The following MUC4 variants were observed in gnomAD, a reference collection of about 807,000 sequenced individuals.
MUC4 encodes mucin 4, cell surface associated.
MUC4 carries 202 observed loss-of-function variants against 257.9 expected under a neutral mutation model. The observed-to-expected ratio is 0.78, with a 90% CI of 0.70 to 0.88. The LOEUF (loss-of-function observed/expected upper bound fraction) is 0.88, where lower values mean the gene tolerates loss of function less well. MUC4 is among the 40% of genes least tolerant of loss of function. The pLI is 0.00. For missense variants in MUC4, 5,976 were observed against 6,513.7 expected, an observed-to-expected ratio of 0.92 and a Z score of 2.84; for synonymous variants, 2,351 against 2,757.1, an observed-to-expected ratio of 0.85 and a Z score of 4.62.
chr3:195,757,335 CG>C lies in MUC4; in HGVS notation c.14987-8del, dbSNP rs748959469. The stretch of plus-strand genomic sequence containing the variant: ...CACAGCAACGTCCCATTCTCTGCCC[CG>C]GGGAAGATGAGAATGTTGAGAGCTG... On this transcript the variant is annotated splice_region_variant and splice_polypyrimidine_tract_variant and intron_variant, in intron 17 of 24. Coordinates refer to ENST00000463781, the MANE Select transcript of MUC4 (RefSeq NM_018406.7). This position sits in a 1 kb window ranked among gnomAD's most constrained non-coding sequence, Gnocchi z 4.8. The C allele has an allele frequency of 6.9e-6, 11 of 1,585,782 alleles. No individual in the cohort carries two copies. The highest frequency in any genetic ancestry group is 9.5e-6 in the Non-Finnish European group (11 of 1,157,542).
chr3:195,764,353 T>C (rs187517207), intron 10 of MUC4, among the ~76,000 whole-genome samples, 189 bp from the exon 11 acceptor site: 6 of 150,956 alleles, frequency 4.0e-5, no homozygotes, highest in Admixed American at 1.3e-4. Context: ...GGCAGGGCGG[T>C]GTTGGTGGCA....
At position 195,790,112 on chromosome 3, in the gene MUC4, A is replaced by C; in HGVS notation, c.1468T>G (p.Ser490Ala). The C allele has an allele frequency of 6.2e-7, 1 of 1,613,912 alleles. No individual in the cohort carries two copies. Among genetic ancestry groups the C allele is most frequent in the South Asian group, 1.1e-5 (1 of 91,084 alleles). ...FTLHETTTWPSSFSSKGHTTW... is the reference protein window; with the variant it reads ...FTLHETTTWPASFSSKGHTTW... ...GTGTGGCCTTTGCTGGAGAATGAGGAAGGCCATGTTGTTGTTTCATGTAGA... is the reference window on the plus strand; with the variant it reads ...GTGTGGCCTTTGCTGGAGAATGAGGCAGGCCATGTTGTTGTTTCATGTAGA... The change falls in exon 2 of 25, where the codon TCC becomes GCC. Residue 490 changes from serine to alanine, a missense_variant. Ser to Ala is a moderately conservative substitution (Grantham distance 99, BLOSUM62 1). Around this residue, in one of 44 missense-constraint regions of MUC4, gnomAD observed 1,583 missense variants for 1,257.4 expected, o/e 1.26. Coordinates refer to ENST00000463781, the MANE Select transcript of MUC4 (RefSeq NM_018406.7).
In MUC4 at chr3:195,748,946, G is replaced by A. The variant is rs375984064; in HGVS notation, c.15990C>T (p.Asp5330=). Residue 5330 remains aspartate (D), a synonymous_variant, in exon 24 of 25, where the codon GAC becomes GAT. Transcript: ENST00000463781. ...CVSPCSRGYC[D]HGGQCQHLPS... ...GCAGGTGCTGGCACTGGCCTCCATGGTCACAGTAGCCCCTACTGCACGGGG... is the reference window on the plus strand; with the variant it reads ...GCAGGTGCTGGCACTGGCCTCCATGATCACAGTAGCCCCTACTGCACGGGG... 66 of 1,600,706 alleles carry A rather than the reference G, an allele frequency of 4.1e-5. No homozygotes were observed. In the African/African-American group the frequency reaches 6.3e-4, roughly 15 times the overall value.
Position 195,764,854 on chromosome 3 carries a change from T to A in MUC4, c.13924+143A>T, listed in dbSNP as rs990768998. 5 of 1,229,332 alleles carry A rather than the reference T, an allele frequency of 4.1e-6. No individual in the cohort carries two copies. The African/African-American group carries it at 7.6e-5, about 19-fold the overall frequency. 76.2% of individuals were successfully genotyped at this position (1,229,332 alleles called of 1,614,324 possible). A position where few individuals can be genotyped will look rare whatever the true frequency, so the allele number is the denominator to read the frequency against. ...CCCCGAATGTCCGCTGGTGGGGATG[T>A]TGGAAGCTTCCTAACGTTACCCGAT... On this transcript the variant is annotated intron_variant, in intron 10 of 24. Coordinates refer to ENST00000463781, the MANE Select transcript of MUC4 (RefSeq NM_018406.7).
At position 195,748,938 on chromosome 3, in the gene MUC4, C is replaced by G. The variant is rs1715750745; in HGVS notation, c.15998G>C (p.Gly5333Ala). The G allele has an allele frequency of 1.9e-6, 3 of 1,598,016 alleles. No homozygotes were observed. Among genetic ancestry groups the G allele is most frequent in the Non-Finnish European group, 2.6e-6 (3 of 1,172,452 alleles). ...CCCACTGGGCAGGTGCTGGCACTGG[C>G]CTCCATGGTCACAGTAGCCCCTACT... ...PCSRGYCDHG[G>A]QCQHLPSGPR... Residue 5333 changes from glycine to alanine, a missense_variant, in exon 24 of 25, where the codon GGC becomes GCC. Around this residue, in one of 44 missense-constraint regions of MUC4, gnomAD observed 310 missense variants for 242.1 expected, o/e 1.28. Coordinates refer to ENST00000463781, the MANE Select transcript of MUC4 (RefSeq NM_018406.7).
chr3:195,777,688 A>G (rs867715647), intron 3 of MUC4, among the ~76,000 whole-genome samples: 31 of 27,782 alleles, frequency 1.1e-3, no homozygotes, highest in African/African-American at 4.8e-3. Context: ...TACCTTCCAC[A>G]TCCATACCTT....
chr3:195,767,872 C>T (rs965615780), intron 7 of MUC4, among the ~76,000 whole-genome samples: 29 of 144,924 alleles, frequency 2.0e-4, no homozygotes, highest in African/African-American at 6.4e-4. Flanking sequence ...CCAACACCAC[C>T]ACCATCACCA....
At chr3:195,758,656 G>A (rs1718155786) in intron 17 of MUC4, among the ~76,000 whole-genome samples, 1 of 145,826 alleles carries the variant, frequency 6.9e-6, no homozygotes, top group Non-Finnish European at 1.5e-5. Context: ...TCTGCCTCCT[G>A]GGTTCAAGCG....
Position 195,789,412 on chromosome 3 carries a change from G to A in MUC4, c.2168C>T (p.Thr723Ile). Residue 723 changes from threonine (T) to isoleucine (I), a missense_variant, in exon 2 of 25, where the codon ACC becomes ATC. By Grantham distance (89) the Thr-to-Ile change is moderately conservative (BLOSUM62 -1). Transcript: ENST00000463781. ...LQAAPSSHDA[T>I]LGPSGGTSLS... is the part of the protein sequence containing the mutation. ...TGACGTGCCTCCTGAGGGCCCCAGG[G>A]TGGCATCATGGCTGCTGGGTGCTGC... 6.2e-7 allele frequency: 1 copy of A among 1,613,970 alleles called. No homozygotes were observed.
Position 195,788,466 on chromosome 3 carries a change from G to A in MUC4, c.3114C>T (p.Val1038=), listed in dbSNP as rs1246526000. 6.6e-7 allele frequency: 1 copy of A among 1,525,186 alleles called. No individual in the cohort carries two copies. Among genetic ancestry groups the A allele is most frequent in the Non-Finnish European group, 8.9e-7 (1 of 1,128,134 alleles). The allele number at this position is 1,525,186 out of a possible 1,614,324, so 94.5% of individuals were successfully genotyped here. A position where few individuals can be genotyped will look rare whatever the true frequency, so the allele number is the denominator to read the frequency against. Residue 1038 remains valine (V), a synonymous_variant, in exon 2 of 25, where the codon GTC becomes GTT. Transcript: ENST00000463781. ...TDTSSESTGH[V]TPLPVTSFSS... ...AAAAGCTGGTGACAGGAAGAGGGGTGACGTGACCTGTGGATTCTGAGGAAG... is the reference window on the plus strand; with the variant it reads ...AAAAGCTGGTGACAGGAAGAGGGGTAACGTGACCTGTGGATTCTGAGGAAG...
At chr3:195,778,652 C>T (rs1199756837) in intron 2 of MUC4, 138 bp downstream of exon 2, 8 of 1,255,892 alleles carry the variant, frequency 6.4e-6, no homozygotes, top group Non-Finnish European at 5.5e-6. Flanking sequence ...CCCACCACAC[C>T]CATCACCTCC....
In MUC4 at chr3:195,779,862, AGGAAGAGGGGT is replaced by A; in HGVS notation, c.11707_11717del (p.Thr3903CysfsTer11). 2 of 663,454 alleles carry A rather than the reference AGGAAGAGGGGT, an allele frequency of 3.0e-6. 1 individual carries two copies. The highest frequency in any genetic ancestry group is 4.4e-6 in the Non-Finnish European group (2 of 455,428). The allele number at this position is 663,454 out of a possible 1,614,324, so 41.1% of individuals were successfully genotyped here. ...TGGAAGCTGAGGAAGTGTCGGTGACAGGAAGAGGGGTGGCGTGACGTGTGGATGCTGAGGAA... is the reference window on the plus strand; with the variant it reads ...TGGAAGCTGAGGAAGTGTCGGTGACAGGCGTGACGTGTGGATGCTGAGGAA... On this transcript the variant is annotated frameshift_variant, in exon 2 of 25. Coordinates refer to ENST00000463781, the MANE Select transcript of MUC4 (RefSeq NM_018406.7). LOFTEE classifies it high-confidence loss of function.
In MUC4 at chr3:195,759,172, C is replaced by T; in HGVS notation, c.14938G>A (p.Asp4980Asn). ...TLIQYTSNAE[D>N]ANFTLRDSCT... Reference sequence around the variant, plus strand: ...CTGTCTCTGAGCGTGAAGTTGGCATCCTCAGCATTGCTGGTGTACTGAATC... The same window carrying T: ...CTGTCTCTGAGCGTGAAGTTGGCATTCTCAGCATTGCTGGTGTACTGAATC... Residue 4980 changes from aspartate (D) to asparagine (N), a missense_variant, in exon 17 of 25, where the codon GAT (aspartate) becomes AAT (asparagine). Physicochemically the swap from Asp to Asn is conservative, Grantham distance 23. This residue lies in a region of MUC4 where 996 missense variants were observed against 1,137.3 expected (regional missense o/e 0.88). Coordinates refer to ENST00000463781, the MANE Select transcript of MUC4 (RefSeq NM_018406.7). 1.2e-6 allele frequency: 2 copies of T among 1,614,080 alleles called. No individual in the cohort carries two copies. The highest frequency in any genetic ancestry group is 8.5e-7 in the Non-Finnish European group (1 of 1,180,004).
Position 195,781,917 on chromosome 3 carries a change from G to A in MUC4, c.9663C>T (p.Ser3221=). The A allele has an allele frequency of 1.0e-6, 1 of 964,770 alleles. No individual in the cohort carries two copies. 59.8% of individuals were successfully genotyped at this position (964,770 alleles called of 1,614,324 possible). The part of the protein sequence containing the change: ...TGQATPLPVT[S]LSSVSTGDTT... The stretch of plus-strand genomic sequence containing the variant: ...TGTCACCTGTGGATACTGAGGAAAG[G>A]CTGGTGACAGGAAGAGGGGTGGCCT... The change falls in exon 2 of 25, where the codon AGC becomes AGT. Residue 3221 remains serine (S), a synonymous_variant. Transcript: ENST00000463781.
Position 195,787,300 on chromosome 3 carries a change from A to T in MUC4, c.4280T>A (p.Val1427Asp), listed in dbSNP as rs1421805027. ...TGTGGACACTGAGGAAGCGTCGGTGACAGGAAGAGGGGTGGCGTGTCCTGT... is the reference window on the plus strand; with the variant it reads ...TGTGGACACTGAGGAAGCGTCGGTGTCAGGAAGAGGGGTGGCGTGTCCTGT... ...ASTGHATPLPVTDASSVSTDH... is the reference protein window; with the variant it reads ...ASTGHATPLPDTDASSVSTDH... The change falls in exon 2 of 25, where the codon GTC (valine) becomes GAC (aspartate). Residue 1427 changes from valine (V) to aspartate (D), a missense_variant. By Grantham distance (152) the Val-to-Asp change is radical (BLOSUM62 -3). This residue lies in a region of MUC4 where 58 missense variants were observed against 65.4 expected (regional missense o/e 0.89). Transcript: ENST00000463781. The T allele has an allele frequency of 5.7e-6, 3 of 523,768 alleles. No homozygotes were observed. Among genetic ancestry groups the T allele is most frequent in the Non-Finnish European group, 9.1e-6 (3 of 331,204 alleles). 32.4% of individuals were successfully genotyped at this position (523,768 alleles called of 1,614,324 possible). A position where few individuals can be genotyped will look rare whatever the true frequency, so the allele number is the denominator to read the frequency against.
chr3:195,759,685 C>T (rs111667347), intron 16 of MUC4, among the ~76,000 whole-genome samples: 118 of 152,230 alleles, frequency 7.8e-4, no homozygotes, highest in African/African-American at 2.6e-3. Flanking sequence ...TTTGGGAGGC[C>T]GAGGCCGGTG....
intron 1 of MUC4, among the ~76,000 whole-genome samples, chr3:195,801,137 G>A (rs1735250017): frequency 6.6e-6 from 1 of 152,198 alleles, no homozygotes; most frequent in Non-Finnish European, 1.5e-5. Flanking sequence ...TCATAGCCTT[G>A]TTCTTGCTGC....
At chr3:195,770,984 G>A in intron 5 of MUC4, 1 of 404,738 alleles carries the variant, frequency 2.5e-6, no homozygotes, top group Non-Finnish European at 5.1e-6. Context: ...CAGTCTCGCG[G>A]CCGGGTTGGG....
chr3:195,758,567 T>C (rs1001362522), intron 17 of MUC4, among the ~76,000 whole-genome samples: 2 of 104,560 alleles, frequency 1.9e-5, no homozygotes, highest in African/African-American at 7.2e-5. Flanking sequence ...TAAATGATCT[T>C]CAAATCTTTT....
Sources: gnomAD v4.1 joint callset for allele counts (sites outside exome capture counted in the v4.1 genomes callset) on GRCh38, gnomAD v4.1.1 for gene constraint, gnomAD v4.1.1 regional missense constraint, Gnocchi (gnomAD v3.1) non-coding constraint, MANE v1.5 for transcripts, NCBI Gene and HGNC (gene_info 2026-07-23, HGNC 2026-07-21) for gene names.